Variants in CACNA2D2 observed in about 807,000 individuals in gnomAD.
CACNA2D2 encodes the protein voltage-dependent calcium channel subunit alpha-2/delta-2.
In CACNA2D2, 48 loss-of-function variants were observed where a neutral mutation model predicts 166.4. The observed-to-expected ratio is 0.29, with a 90% CI of 0.23 to 0.37. CACNA2D2 has a LOEUF of 0.37. CACNA2D2 is among the 10% of genes least tolerant of loss of function. CACNA2D2 has a pLI of 1.00. For missense variants in CACNA2D2, 1,122 were observed against 1,433.0 expected (o/e 0.78, Z 3.50); for synonymous variants, 561 against 573.7 (o/e 0.98, Z 0.32).
In CACNA2D2 at chr3:50,377,547, A is replaced by G. The variant is rs754805646; in HGVS notation, c.1552-6T>C. 44 of 1,612,924 alleles carry G rather than the reference A, an allele frequency of 2.7e-5. No individual in the cohort carries two copies. The highest frequency in any genetic ancestry group is 3.7e-5 in the Non-Finnish European group (44 of 1,179,652). On this transcript the variant is annotated splice_region_variant and splice_polypyrimidine_tract_variant and intron_variant, in intron 16 of 37. Coordinates refer to ENST00000424201, the MANE Select transcript of CACNA2D2 (RefSeq NM_006030.4). ...ACGCCCAGGATCAGCTGGTTCTGGG[A>G]GCAGAAGCATGGGGGGCTCCTCAGT...
chr3:50,476,159 C>T lies in CACNA2D2; in HGVS notation c.247G>A (p.Gly83Ser), dbSNP rs775944051. ...ACGCCTCCAAAAATCCGCATCACGC[C>T]GTCGACCTCCTGCTCCAGACGCCGG... Reference protein sequence around the residue: ...WARRLEQEVDGVMRIFGGVQQ... With the variant: ...WARRLEQEVDSVMRIFGGVQQ... The change falls in exon 2 of 38, where the codon GGC becomes AGC. Residue 83 changes from glycine (G) to serine (S), a missense_variant. This residue lies in a region of CACNA2D2 where 840 missense variants were observed against 1,166.8 expected (regional missense o/e 0.72). Coordinates refer to ENST00000424201, the MANE Select transcript of CACNA2D2 (RefSeq NM_006030.4). 18 of 1,602,050 alleles carry T rather than the reference C, an allele frequency of 1.1e-5. 1 individual carries two copies. Among genetic ancestry groups the T allele is most frequent in the South Asian group, 4.5e-5 (4 of 88,952 alleles).
At chr3:50,454,029 G>A (rs1709231224) in intron 2 of CACNA2D2, among the ~76,000 whole-genome samples, 1 of 152,184 alleles carries the variant, frequency 6.6e-6, no homozygotes, top group Non-Finnish European at 1.5e-5. Flanking sequence ...TGCTCTGAAT[G>A]GCCAATGAGG....
intron 3 of CACNA2D2, among the ~76,000 whole-genome samples, chr3:50,419,216 TA>T (rs1707426606): frequency 6.6e-6 from 1 of 152,160 alleles, no homozygotes; most frequent in African/African-American, 2.4e-5. Context: ...GCTCCCTCTC[TA>T]AAACAGGGAC....
chr3:50,432,019 T>C (rs1241599975), intron 3 of CACNA2D2, among the ~76,000 whole-genome samples: 3 of 121,352 alleles, frequency 2.5e-5, no homozygotes, highest in Non-Finnish European at 5.2e-5. Flanking sequence ...GAAAAGAAAA[T>C]AATTTCTGTT....
rs373528734 is a variant in CACNA2D2, at chr3:50,366,399, A to G, written c.2638-61T>C. 1.1e-3 allele frequency: 1,701 copies of G among 1,561,232 alleles called. 1 individual carries two copies. Among genetic ancestry groups the G allele is most frequent in the Non-Finnish European group, 1.4e-3 (1,593 of 1,132,268 alleles). ...GGCTGGGCCCCGGACCTTCCACCGC[A>G]GGCAGTCCAGTGGTTCAGAGTTGGG... On this transcript the variant is annotated intron_variant, in intron 30 of 37. Coordinates refer to ENST00000424201, the MANE Select transcript of CACNA2D2 (RefSeq NM_006030.4). This position sits in a 1 kb window ranked among gnomAD's most constrained non-coding sequence, Gnocchi z 5.9.
In CACNA2D2 at chr3:50,379,596, G is replaced by A; in HGVS notation, c.994-6C>T. On this transcript the variant is annotated splice_polypyrimidine_tract_variant and splice_region_variant and intron_variant, in intron 10 of 37. Transcript: ENST00000424201. This position sits in a 1 kb window ranked among gnomAD's most constrained non-coding sequence, Gnocchi z 6.5. Reference sequence around the variant, plus strand: ...GGCTGTGCCTTCTCGTTGAACTGCAGGAACAGTAGGGTGGTGAGTGGCCTC... The same window carrying A: ...GGCTGTGCCTTCTCGTTGAACTGCAAGAACAGTAGGGTGGTGAGTGGCCTC... The A allele has an allele frequency of 1.2e-6, 2 of 1,613,804 alleles. No individual in the cohort carries two copies. Among genetic ancestry groups the A allele is most frequent in the Non-Finnish European group, 1.7e-6 (2 of 1,179,968 alleles).
chr3:50,427,397 G>A lies in CACNA2D2; in HGVS notation c.405+6916C>T, dbSNP rs1440402576. 3.3e-5 allele frequency among the ~76,000 whole-genome samples: 5 copies of A among 152,354 alleles called. No homozygotes were observed. The highest frequency in any genetic ancestry group is 6.5e-5 in the Admixed American group (1 of 15,310). On this transcript the variant is annotated intron_variant, in intron 3 of 37. Coordinates refer to ENST00000424201, the MANE Select transcript of CACNA2D2 (RefSeq NM_006030.4). The surrounding 1 kb of genome is among the most constrained non-coding windows in gnomAD (Gnocchi z 4.7). ...GGGCGGCAACTTGCCAGGAAGCAGC[G>A]GCACTGTTTGGGTGAGGGGAGAATA...
At chr3:50,477,466 C>A (rs1697839791) in intron 1 of CACNA2D2, among the ~76,000 whole-genome samples, 1 of 152,192 alleles carries the variant, frequency 6.6e-6, no homozygotes, top group Non-Finnish European at 1.5e-5. Context: ...TGCCTGGGTT[C>A]AGATACATGA....
At chr3:50,490,276 C>G (rs1190639288) in intron 1 of CACNA2D2, among the ~76,000 whole-genome samples, 2 of 152,158 alleles carry the variant, frequency 1.3e-5, no homozygotes, top group East Asian at 3.9e-4. Flanking sequence ...TGCTCAGAAC[C>G]AATATACACC....
chr3:50,409,161 C>T (rs778720536), intron 3 of CACNA2D2, among the ~76,000 whole-genome samples: 17 of 152,202 alleles, frequency 1.1e-4, no homozygotes, highest in Non-Finnish European at 2.5e-4. Context: ...AAAATGACAC[C>T]ATCCACCCAG....
chr3:50,435,295 G>GTGTGCA (rs1439876332), intron 2 of CACNA2D2, among the ~76,000 whole-genome samples: 40 of 151,504 alleles, frequency 2.6e-4, no homozygotes, highest in African/African-American at 9.5e-4. Flanking sequence ...GGTCTTGGGT[G>GTGTGCA]TGTGCGTGTG....
At position 50,366,639 on chromosome 3, in the gene CACNA2D2, A is replaced by T; in HGVS notation, c.2590-14T>A. ...GTTGGGGCCGCACTGCTGGGCAGAG[A>T]GTGAGGACCGTAAGCCACCCACCAG... On this transcript the variant is annotated splice_polypyrimidine_tract_variant and intron_variant, in intron 29 of 37. Coordinates refer to ENST00000424201, the MANE Select transcript of CACNA2D2 (RefSeq NM_006030.4). This position sits in a 1 kb window ranked among gnomAD's most constrained non-coding sequence, Gnocchi z 5.9. 1.2e-6 allele frequency: 2 copies of T among 1,613,658 alleles called. No individual in the cohort carries two copies. Among genetic ancestry groups the T allele is most frequent in the Non-Finnish European group, 1.7e-6 (2 of 1,179,932 alleles).
intron 4 of CACNA2D2, among the ~76,000 whole-genome samples, chr3:50,389,845 G>A (rs891083495): frequency 2.6e-5 from 4 of 152,164 alleles, no homozygotes; most frequent in African/African-American, 4.8e-5. Context: ...GACCGCTCCC[G>A]GCCTCTCCTG....
chr3:50,436,202 C>T (rs1376650843), intron 2 of CACNA2D2, among the ~76,000 whole-genome samples: 3 of 152,230 alleles, frequency 2.0e-5, no homozygotes, highest in African/African-American at 4.8e-5. Context: ...GTCTCAGCCA[C>T]ATCCACCGAT....
At chr3:50,428,843 C>G (rs766577140) in intron 3 of CACNA2D2, among the ~76,000 whole-genome samples, 2 of 152,214 alleles carry the variant, frequency 1.3e-5, no homozygotes, top group African/African-American at 2.4e-5. Flanking sequence ...CCACTCTGGA[C>G]AGCAAACACC....
intron 1 of CACNA2D2, among the ~76,000 whole-genome samples, chr3:50,502,924 C>T (rs1359000323): frequency 6.6e-6 from 1 of 151,550 alleles, no homozygotes; most frequent in South Asian, 2.1e-4. Context: ...AATCAGCTGA[C>T]AAGCTCGGAC....
intron 2 of CACNA2D2, 55 bp from the exon 3 acceptor site, chr3:50,434,484 A>C: frequency 7.9e-7 from 1 of 1,271,124 alleles, no homozygotes; most frequent in Non-Finnish European, 1.2e-6. Flanking sequence ...TCCTCATGCC[A>C]TGGGCCCTGC....
At chr3:50,374,843 G>A (rs1224588059) in intron 21 of CACNA2D2, 30 bp from the exon 22 acceptor site, 2 of 1,531,820 alleles carry the variant, frequency 1.3e-6, no homozygotes, top group Non-Finnish European at 8.9e-7. Context: ...GGTCACGGCT[G>A]GGGGGAGGCG....
chr3:50,483,662 C>T (rs1167931947), intron 1 of CACNA2D2, among the ~76,000 whole-genome samples: 1 of 152,080 alleles, frequency 6.6e-6, no homozygotes, highest in Non-Finnish European at 1.5e-5. Context: ...GCAGCAATAC[C>T]CAGCAATACC....
Sources: gnomAD v4.1 joint callset for allele counts (sites outside exome capture counted in the v4.1 genomes callset) on GRCh38, gnomAD v4.1.1 for gene constraint, gnomAD v4.1.1 regional missense constraint, Gnocchi (gnomAD v3.1) non-coding constraint, MANE v1.5 for transcripts, NCBI Gene and HGNC (gene_info 2026-07-23, HGNC 2026-07-21) for gene names.